TET2: variants seen among roughly 807,000 people sequenced by gnomAD.
TET2 encodes tet methylcytosine dioxygenase 2, also known as methylcytosine dioxygenase TET2.
TET2 carries 299 observed loss-of-function variants against 142.9 expected under a neutral mutation model. That is an observed-to-expected ratio of 2.09 (90% CI 1.90 to 2.30). The LOEUF is 2.30. TET2 is among the 30% of genes most tolerant of loss of function. The pLI, the probability that TET2 is intolerant of heterozygous loss-of-function variation, is 0.00. For synonymous variants in TET2, 819 were observed against 849.0 expected, an observed-to-expected ratio of 0.96 and a Z score of 0.61; for missense variants, 2,418 against 2,378.0, an observed-to-expected ratio of 1.02 and a Z score of -0.35.
At chr4:105,156,691 A>G (rs1341807685) in intron 1 of TET2, among the ~76,000 whole-genome samples, 1 of 152,210 alleles carries the variant, frequency 6.6e-6, no homozygotes, top group Non-Finnish European at 1.5e-5. Flanking sequence ...AAGCCAGATA[A>G]CATAGCATGG....
chr4:105,221,038 C>T (rs948142725), intron 2 of TET2, among the ~76,000 whole-genome samples: 1 of 152,046 alleles, frequency 6.6e-6, no homozygotes, highest in Admixed American at 6.6e-5. Context: ...ATTATCCATT[C>T]TAATAATGGG....
At chr4:105,176,812 G>A (rs953567357) in intron 1 of TET2, among the ~76,000 whole-genome samples, 5 of 152,154 alleles carry the variant, frequency 3.3e-5, no homozygotes, top group Non-Finnish European at 7.4e-5. Context: ...AGCCAACTCA[G>A]TATTTGAGGA....
chr4:105,158,725 A>G (rs1723685322), intron 1 of TET2, among the ~76,000 whole-genome samples: 1 of 152,174 alleles, frequency 6.6e-6, no homozygotes, highest in Admixed American at 6.5e-5. Flanking sequence ...TGTAAAACTG[A>G]TCCTAAATTG....
chr4:105,228,592 CAT>C (rs1364830621), intron 2 of TET2, among the ~76,000 whole-genome samples: 1 of 151,932 alleles, frequency 6.6e-6, no homozygotes, highest in Non-Finnish European at 1.5e-5. Flanking sequence ...AGTAGAAAAA[CAT>C]GTATTATGTA....
chr4:105,217,652 T>C (rs1578639197), intron 2 of TET2, among the ~76,000 whole-genome samples: 1 of 152,172 alleles, frequency 6.6e-6, no homozygotes, highest in African/African-American at 2.4e-5. Context: ...AAGAAAGTTT[T>C]AAATTAGAAA....
intron 6 of TET2, among the ~76,000 whole-genome samples, chr4:105,253,628 C>A (rs1729980299): frequency 6.6e-6 from 1 of 150,618 alleles, no homozygotes; most frequent in Non-Finnish European, 1.5e-5. Context: ...AATCTGTATA[C>A]CTTTTATTTT....
intron 5 of TET2, 119 bp downstream of exon 5, chr4:105,243,046 C>G (rs1729390453): frequency 1.3e-6 from 1 of 793,186 alleles, no homozygotes; most frequent in African/African-American, 1.8e-5. Context: ...AGAACATTAC[C>G]TGTATTTTTT....
chr4:105,252,970 T>C (rs1729944167), intron 6 of TET2, among the ~76,000 whole-genome samples: 2 of 150,122 alleles, frequency 1.3e-5, no homozygotes, highest in South Asian at 4.1e-4. Context: ...TCTGGACTCT[T>C]TATTCTGTTC....
At chr4:105,200,397 T>G (rs1322355722) in intron 2 of TET2, among the ~76,000 whole-genome samples, 1 of 152,164 alleles carries the variant, frequency 6.6e-6, no homozygotes, top group Non-Finnish European at 1.5e-5. Flanking sequence ...GATGTTTGTT[T>G]GTTTGTTTGT....
In TET2 at chr4:105,234,341, A is replaced by G. The variant is rs1320218788; in HGVS notation, c.399A>G (p.Pro133=). Reference sequence around the variant, plus strand: ...TCGGGGTAAGCCAAGAAAGAAATCCAGGTGAAAGCAGTCAACCAAATGTCT... The same window carrying G: ...TCGGGGTAAGCCAAGAAAGAAATCCGGGTGAAAGCAGTCAACCAAATGTCT... ...RNFGVSQERN[P]GESSQPNVSD... is the part of the protein sequence containing the mutation. The change falls in exon 3 of 11, where the codon CCA becomes CCG. Residue 133 remains proline, a synonymous_variant. Transcript: ENST00000380013. The G allele has an allele frequency of 6.2e-7, 1 of 1,614,078 alleles. No individual in the cohort carries two copies. The highest frequency in any genetic ancestry group is 1.3e-5 in the African/African-American group (1 of 75,056).
rs542683033 is a variant in TET2 at position 105,220,282 on chromosome 4, T to C, written c.-46-13615T>C. 9.8e-4 allele frequency among the ~76,000 whole-genome samples: 150 copies of C among 152,286 alleles called. 4 individuals carry two copies. The highest frequency in any genetic ancestry group is 1.0e-3 in the South Asian group (5 of 4,826). ...TATATAAAAATGAAAGTATTTTTTT[T>C]CTACAATTGCCCCTCATATATACTA... On this transcript the variant is annotated intron_variant, in intron 2 of 10. Coordinates refer to ENST00000380013, the MANE Select transcript of TET2 (RefSeq NM_001127208.3).
At chr4:105,207,664 C>T (rs1317185791) in intron 2 of TET2, among the ~76,000 whole-genome samples, 1 of 152,158 alleles carries the variant, frequency 6.6e-6, no homozygotes, top group African/African-American at 2.4e-5. Context: ...TTAACCTATA[C>T]TGCTGTGGAA....
At chr4:105,184,594 C>T (rs115518672) in intron 1 of TET2, among the ~76,000 whole-genome samples, 9,394 of 152,196 alleles carry the variant, frequency 0.062, 373 homozygotes, top group Non-Finnish European at 0.09. Flanking sequence ...CTTCTTAAAA[C>T]TTTGACTACT....
In TET2 at chr4:105,269,726, C is replaced by A; in HGVS notation, c.4161C>A (p.Asn1387Lys). 1 of 1,551,650 alleles carries A rather than the reference C, an allele frequency of 6.4e-7. No homozygotes were observed. The highest frequency in any genetic ancestry group is 8.7e-7 in the Non-Finnish European group (1 of 1,146,940). ...FCAHAHRDLH[N>K]MQNGSTLVCT... is the part of the protein sequence containing the mutation. ...CTCATGCCCACAGAGACTTGCACAA[C>A]ATGCAGAATGGCAGCACATTGGTAA... is the stretch of plus-strand genomic sequence containing the variant. The change falls in exon 9 of 11, where the codon AAC becomes AAA. Residue 1387 changes from asparagine to lysine, a missense_variant. Transcript: ENST00000380013.
chr4:105,198,215 A>C (rs910966564), intron 2 of TET2, among the ~76,000 whole-genome samples: 2 of 152,086 alleles, frequency 1.3e-5, no homozygotes, highest in Admixed American at 6.6e-5. Context: ...GCATGCCTAT[A>C]ATACCAGCTA....
chr4:105,276,334 C>G lies in TET2; in HGVS notation c.5824C>G (p.Gln1942Glu). 1 of 1,551,714 alleles carries G rather than the reference C, an allele frequency of 6.4e-7. No homozygotes were observed. Among genetic ancestry groups the G allele is most frequent in the Non-Finnish European group, 8.7e-7 (1 of 1,146,998 alleles). ...AAAGTATGGCCCAGACTATGTGCCT[C>G]AGAAATCCCATGGCAAAAAAGTGAA... ...CEKYGPDYVPQKSHGKKVKRE... is the reference protein window; with the variant it reads ...CEKYGPDYVPEKSHGKKVKRE... Residue 1942 changes from glutamine to glutamate, a missense_variant, in exon 11 of 11, where the codon CAG becomes GAG. Gln to Glu is a conservative substitution (Grantham distance 29). Coordinates refer to ENST00000380013, the MANE Select transcript of TET2 (RefSeq NM_001127208.3).
At chr4:105,199,106 T>G (rs994854053) in intron 2 of TET2, among the ~76,000 whole-genome samples, 5 of 152,198 alleles carry the variant, frequency 3.3e-5, no homozygotes, top group African/African-American at 1.2e-4. Flanking sequence ...GAGAGCAAGT[T>G]GAGCAAGAAT....
intron 2 of TET2, among the ~76,000 whole-genome samples, chr4:105,194,868 C>T (rs1278242269): frequency 6.6e-6 from 1 of 152,116 alleles, no homozygotes; most frequent in African/African-American, 2.4e-5. Context: ...TGGTATGATA[C>T]AAGTCATAAC....
At chr4:105,177,710 A>G (rs1004860324) in intron 1 of TET2, 4 of 152,254 alleles carry the variant, frequency 2.6e-5, no homozygotes, top group Non-Finnish European at 4.4e-5. Context: ...ACTTTGGAAG[A>G]CAGTTTGGCA....
Sources: gnomAD v4.1 joint callset for allele counts (sites outside exome capture counted in the v4.1 genomes callset) on GRCh38, gnomAD v4.1.1 for gene constraint, MANE v1.5 for transcripts, NCBI Gene and HGNC (gene_info 2026-07-23, HGNC 2026-07-21) for gene names.